The following KIF21A variants were observed in gnomAD, a reference collection of about 807,000 sequenced individuals.
KIF21A encodes kinesin-like protein KIF21A.
Under a neutral mutation model 202.9 loss-of-function variants are expected in KIF21A, and 114 were observed. The observed-to-expected ratio is 0.56, with a 90% CI of 0.48 to 0.66. The LOEUF (loss-of-function observed/expected upper bound fraction) is 0.66. Ranked by LOEUF, KIF21A falls within the 30% of genes least tolerant of loss-of-function variation. The probability of loss-of-function intolerance (pLI) is 0.00; values close to 1 mark genes in which losing one functional copy is unlikely to be tolerated. For missense variants in KIF21A, 1,677 were observed against 1,994.9 expected (o/e 0.84, Z 3.04); for synonymous variants, 667 against 670.8 (o/e 0.99, Z 0.09).
chr12:39,442,786 T>A lies in KIF21A; in HGVS notation c.44+141A>T. 9.5e-7 allele frequency: 1 copy of A among 1,053,910 alleles called. No homozygotes were observed. 65.3% of individuals were successfully genotyped at this position (1,053,910 alleles called of 1,614,324 possible). On this transcript the variant is annotated intron_variant, in intron 1 of 37. Transcript: ENST00000361418. This position sits in a 1 kb window ranked among gnomAD's most constrained non-coding sequence, Gnocchi z 5.0. ...GCCAGGCCAGCGGGGACTCACTGCC[T>A]CAGTTTCCTCAGCCGCAGAACCCGG...
chr12:39,436,553 G>A (rs201882638), intron 1 of KIF21A, among the ~76,000 whole-genome samples: 1 of 143,408 alleles, frequency 7.0e-6, no homozygotes, highest in East Asian at 2.0e-4. Context: ...CTAGCCCCAA[G>A]CGATCTTCCC....
In KIF21A at chr12:39,358,301, G is replaced by A. The variant is rs751695880; in HGVS notation, c.1092C>T (p.Tyr364=). ...TCTTGATATTTCTAGCTCGATTGGC[G>A]TATTTCAGGGTGTTTAACGTTTCCA... ...DFMETLNTLK[Y]ANRARNIKNK... The change falls in exon 8 of 38, where the codon TAC becomes TAT. Residue 364 remains tyrosine (Y), a synonymous_variant. Coordinates refer to ENST00000361418, the MANE Select transcript of KIF21A (RefSeq NM_001173464.2). The A allele has an allele frequency of 3.0e-5, 48 of 1,613,858 alleles. No individual in the cohort carries two copies. In the East Asian group the frequency reaches 6.5e-4, roughly 22 times the overall value.
chr12:39,313,740 T>A (rs1944250834), intron 31 of KIF21A, among the ~76,000 whole-genome samples: 1 of 151,914 alleles, frequency 6.6e-6, no homozygotes, highest in African/African-American at 2.4e-5. Context: ...CGACTCACTA[T>A]CAATGATTTG....
chr12:39,400,922 C>T (rs554425686), intron 1 of KIF21A, among the ~76,000 whole-genome samples: 13 of 152,278 alleles, frequency 8.5e-5, no homozygotes, highest in South Asian at 2.1e-4. Flanking sequence ...ATCTTCTGCT[C>T]AGGTTTCACA....
At chr12:39,378,953 C>T (rs1245225522) in intron 1 of KIF21A, among the ~76,000 whole-genome samples, 2 of 151,940 alleles carry the variant, frequency 1.3e-5, no homozygotes, top group Admixed American at 6.6e-5. Context: ...AAAGTCAGTT[C>T]GGGGAAAATA....
intron 1 of KIF21A, among the ~76,000 whole-genome samples, chr12:39,407,781 A>G (rs995264741): frequency 3.3e-5 from 5 of 152,126 alleles, no homozygotes; most frequent in Non-Finnish European, 7.3e-5. Context: ...GTTCCTATTC[A>G]CAATGACTCT....
intron 1 of KIF21A, among the ~76,000 whole-genome samples, chr12:39,390,706 T>C (rs1175514076): frequency 6.6e-6 from 1 of 152,072 alleles, no homozygotes; most frequent in African/African-American, 2.4e-5. Context: ...AAAATATATA[T>C]ATATTTGTCA....
intron 1 of KIF21A, among the ~76,000 whole-genome samples, chr12:39,420,470 G>A (rs774501408): frequency 2.0e-5 from 3 of 151,968 alleles, no homozygotes; most frequent in East Asian, 1.9e-4. Context: ...AAAGAACTAC[G>A]AAGAACACTA....
intron 1 of KIF21A, among the ~76,000 whole-genome samples, chr12:39,393,548 C>A (rs1347797114): frequency 6.6e-6 from 1 of 152,138 alleles, no homozygotes; most frequent in African/African-American, 2.4e-5. Flanking sequence ...TCTTCTCTGC[C>A]TTGCTTCATT....
Position 39,442,736 on chromosome 12 carries a change from G to T in KIF21A, c.44+191C>A, listed in dbSNP as rs1011643570. ...CAGACGGCGTGAGGGCGGCGCAGTCGCCCTGCCAGCACCCGGCCGCGCGTG... is the reference window on the plus strand; with the variant it reads ...CAGACGGCGTGAGGGCGGCGCAGTCTCCCTGCCAGCACCCGGCCGCGCGTG... On this transcript the variant is annotated intron_variant, in intron 1 of 37. Coordinates refer to ENST00000361418, the MANE Select transcript of KIF21A (RefSeq NM_001173464.2). This position sits in a 1 kb window ranked among gnomAD's most constrained non-coding sequence, Gnocchi z 5.0. 2.6e-5 allele frequency among the ~76,000 whole-genome samples: 4 copies of T among 152,130 alleles called. No homozygotes were observed. Among genetic ancestry groups the T allele is most frequent in the Admixed American group, 2.6e-4 (4 of 15,278 alleles).
In KIF21A at chr12:39,326,295, C is replaced by T. The variant is rs796231505; in HGVS notation, c.3370G>A (p.Ala1124Thr). 5 of 1,612,096 alleles carry T rather than the reference C, an allele frequency of 3.1e-6. No homozygotes were observed. The highest frequency in any genetic ancestry group is 1.7e-5 in the Admixed American group (1 of 60,012). Reference protein sequence around the residue: ...ENVEDSTDEDAPLNSPGSEGS... With the variant: ...ENVEDSTDEDTPLNSPGSEGS... ...TCTGATCCTGGGCTGTTTAAAGGAG[C>T]ATCCTCATCAGTACTATCCTCTACA... is the stretch of plus-strand genomic sequence containing the variant. Residue 1124 changes from alanine (A) to threonine (T), a missense_variant, in exon 25 of 38, where the codon GCT becomes ACT. By Grantham distance (58) the Ala-to-Thr change is moderately conservative (BLOSUM62 0). Coordinates refer to ENST00000361418, the MANE Select transcript of KIF21A (RefSeq NM_001173464.2).
At chr12:39,387,846 A>T (rs1566099232) in intron 1 of KIF21A, among the ~76,000 whole-genome samples, 1 of 152,190 alleles carries the variant, frequency 6.6e-6, no homozygotes, top group African/African-American at 2.4e-5. Context: ...GATGAAAAAG[A>T]CAGTGCACAT....
At position 39,341,003 on chromosome 12, in the gene KIF21A, C is replaced by T; in HGVS notation, c.2013G>A (p.Leu671=). ...IDELENSQKR[L]QTLKKQYEEK... ...CTTCATACTGCTTTTTCAGAGTCTGCAGTCTTTTCTGGCTGTTTTCTAGTT... is the reference window on the plus strand; with the variant it reads ...CTTCATACTGCTTTTTCAGAGTCTGTAGTCTTTTCTGGCTGTTTTCTAGTT... Residue 671 remains leucine (L), a synonymous_variant, in exon 15 of 38, where the codon CTG becomes CTA. Transcript: ENST00000361418. 2 of 1,612,892 alleles carry T rather than the reference C, an allele frequency of 1.2e-6. No individual in the cohort carries two copies. The highest frequency in any genetic ancestry group is 1.7e-6 in the Non-Finnish European group (2 of 1,179,246).
rs1939736263 is a variant in KIF21A at position 39,442,205 on chromosome 12, T to C, written c.44+722A>G. ...ATCCACCCTGCCTAATGTCAGTATG[T>C]TTCACACAGTCACCCATTTCACCCT... On this transcript the variant is annotated intron_variant, in intron 1 of 37. Coordinates refer to ENST00000361418, the MANE Select transcript of KIF21A (RefSeq NM_001173464.2). The surrounding 1 kb of genome is among the most constrained non-coding windows in gnomAD (Gnocchi z 5.0). 1.3e-5 allele frequency among the ~76,000 whole-genome samples: 2 copies of C among 152,076 alleles called. No individual in the cohort carries two copies. The highest frequency in any genetic ancestry group is 4.1e-4 in the South Asian group (2 of 4,820).
intron 7 of KIF21A, among the ~76,000 whole-genome samples, chr12:39,359,603 T>A (rs1565953721): frequency 6.6e-6 from 1 of 152,150 alleles, no homozygotes; most frequent in East Asian, 1.9e-4. Flanking sequence ...TCTCTTTTGA[T>A]AAAGAAAATA....
intron 15 of KIF21A, 93 bp from the exon 16 acceptor site, chr12:39,340,457 C>G (rs1592234076): frequency 1.9e-5 from 17 of 910,378 alleles, no homozygotes; most frequent in Non-Finnish European, 1.7e-6. Flanking sequence ...AGAAGAGCTA[C>G]TTCCCAAACA....
At chr12:39,388,192 G>A (rs537590581) in intron 1 of KIF21A, among the ~76,000 whole-genome samples, 26 of 152,202 alleles carry the variant, frequency 1.7e-4, no homozygotes, top group African/African-American at 6.0e-4. Context: ...GGCGGGGACC[G>A]GAGGCAGTGT....
intron 37 of KIF21A, among the ~76,000 whole-genome samples, chr12:39,297,003 A>C (rs931140571): frequency 6.6e-6 from 1 of 152,234 alleles, no homozygotes; most frequent in Non-Finnish European, 1.5e-5. Flanking sequence ...GACAGTGATT[A>C]AGTCTGGTGA....
intron 1 of KIF21A, among the ~76,000 whole-genome samples, chr12:39,433,968 A>C (rs1293431631): frequency 6.6e-6 from 1 of 152,252 alleles, no homozygotes; most frequent in Non-Finnish European, 1.5e-5. Flanking sequence ...TTCAAGTTAT[A>C]GGTTGTACAT....
Sources: gnomAD v4.1 joint callset for allele counts (sites outside exome capture counted in the v4.1 genomes callset) on GRCh38, gnomAD v4.1.1 for gene constraint, Gnocchi (gnomAD v3.1) non-coding constraint, MANE v1.5 for transcripts, NCBI Gene and HGNC (gene_info 2026-07-23, HGNC 2026-07-21) for gene names.